The following SAMD3 variants were observed in gnomAD, a reference collection of about 807,000 sequenced individuals.
SAMD3 encodes the protein sterile alpha motif domain-containing protein 3.
A neutral mutation model predicts 58.5 loss-of-function variants in SAMD3; 63 were observed. That is an observed-to-expected ratio of 1.08 (90% CI 0.88 to 1.33). The LOEUF is 1.33. Ranked by LOEUF, SAMD3 falls within the 40% of genes most tolerant of loss-of-function variation. SAMD3 has a pLI of 0.00. For missense variants in SAMD3, 604 were observed against 608.4 expected, an observed-to-expected ratio of 0.99 and a Z score of 0.08; for synonymous variants, 220 against 210.3, an observed-to-expected ratio of 1.05 and a Z score of -0.40.
At chr6:130,181,205 C>T (rs1045513991) in intron 7 of SAMD3, among the ~76,000 whole-genome samples, 1 of 152,072 alleles carries the variant, frequency 6.6e-6, no homozygotes, top group Non-Finnish European at 1.5e-5. Context: ...CCTTGGCCTC[C>T]CAAAGTGCTG....
chr6:130,185,725 G>A (rs1792896519), intron 5 of SAMD3, among the ~76,000 whole-genome samples: 1 of 150,658 alleles, frequency 6.6e-6, no homozygotes, highest in African/African-American at 2.4e-5. Context: ...TGACCTCCTG[G>A]TCTCAAGCAA....
intron 1 of SAMD3, among the ~76,000 whole-genome samples, chr6:130,334,461 G>C (rs1436278898): frequency 6.6e-6 from 1 of 152,152 alleles, no homozygotes; most frequent in Non-Finnish European, 1.5e-5. Context: ...TTACAGATGA[G>C]GCAATTGAGT....
In SAMD3 at chr6:130,319,382, A is replaced by C. The variant is rs1468300779; in HGVS notation, c.-303-6289T>G. 3.3e-5 allele frequency among the ~76,000 whole-genome samples: 5 copies of C among 152,296 alleles called. No individual in the cohort carries two copies. The East Asian group carries it at 9.6e-4, about 29-fold the overall frequency. On this transcript the variant is annotated intron_variant, in intron 1 of 13. Transcript: ENST00000368134. ...CTTAAAACCAGTTAAAAAAAGAAAA[A>C]TTTAAAAGCCCGAAGCGAAAGACAC...
At chr6:130,255,305 T>A (rs1053445580) in intron 2 of SAMD3, among the ~76,000 whole-genome samples, 1 of 152,214 alleles carries the variant, frequency 6.6e-6, no homozygotes, top group South Asian at 2.1e-4. Context: ...CAACATCAGT[T>A]AGGTCCATTT....
chr6:130,248,569 T>G (rs73607933), intron 2 of SAMD3, among the ~76,000 whole-genome samples: 2,947 of 152,244 alleles, frequency 0.019, 93 homozygotes, highest in African/African-American at 0.067. Context: ...GCCAGTCTAC[T>G]CACTACACTT....
At chr6:130,344,423 C>T (rs1271409107) in intron 1 of SAMD3, among the ~76,000 whole-genome samples, 3 of 152,084 alleles carry the variant, frequency 2.0e-5, no homozygotes, top group African/African-American at 7.2e-5. Flanking sequence ...GCTCTGTCGC[C>T]CAGGCTGGAG....
chr6:130,211,275 AATTTTTTTT>A (rs1562452886), intron 4 of SAMD3, among the ~76,000 whole-genome samples: 1 of 134,314 alleles, frequency 7.4e-6, no homozygotes, highest in Non-Finnish European at 1.6e-5. Context: ...TGCCAATCAG[AATTTTTTTT>A]TTTTTTTTTT....
At chr6:130,149,692 T>C (rs1788960554) in intron 9 of SAMD3, among the ~76,000 whole-genome samples, 1 of 152,128 alleles carries the variant, frequency 6.6e-6, no homozygotes, top group African/African-American at 2.4e-5. Context: ...AAGGGAACAA[T>C]AGACCCCGGA....
intron 1 of SAMD3, among the ~76,000 whole-genome samples, chr6:130,321,244 C>T (rs373660895): frequency 4.1e-4 from 62 of 152,268 alleles, no homozygotes; most frequent in African/African-American, 1.3e-3. Context: ...AATTGCCTTA[C>T]GGACAGACCT....
intron 9 of SAMD3, among the ~76,000 whole-genome samples, chr6:130,148,482 T>C (rs1202264436): frequency 6.6e-6 from 1 of 152,198 alleles, no homozygotes; most frequent in East Asian, 1.9e-4. Flanking sequence ...TCGTCTTGGT[T>C]TGTTGTTGTT....
Position 130,155,295 on chromosome 6 carries a change from A to T in SAMD3, c.823-270T>A, listed in dbSNP as rs564473844. The stretch of plus-strand genomic sequence containing the variant: ...TTATCCTTTTATATAGAGACAGATT[A>T]TCCAGAAGGTTCCCACTGAATCAAA... On this transcript the variant is annotated intron_variant, in intron 8 of 11. Coordinates refer to ENST00000439090, the MANE Select transcript of SAMD3 (RefSeq NM_001017373.4). Among the ~76,000 whole-genome samples, 70 of 152,364 alleles carry T rather than the reference A, an allele frequency of 4.6e-4. No individual in the cohort carries two copies. The Middle Eastern group carries it at 0.01, about 22-fold the overall frequency.
chr6:130,310,102 G>A (rs1776093572), intron 2 of SAMD3, among the ~76,000 whole-genome samples: 1 of 152,086 alleles, frequency 6.6e-6, no homozygotes, highest in African/African-American at 2.4e-5. Context: ...GTACACTCAT[G>A]GTTTCTCTAT....
chr6:130,314,347 A>C (rs1776287205), intron 1 of SAMD3, among the ~76,000 whole-genome samples: 1 of 152,214 alleles, frequency 6.6e-6, no homozygotes, highest in Admixed American at 6.5e-5. Flanking sequence ...AGACACCTTT[A>C]AGCAAGACAG....
At chr6:130,283,238 T>C (rs1775045750) in intron 2 of SAMD3, among the ~76,000 whole-genome samples, 1 of 151,954 alleles carries the variant, frequency 6.6e-6, no homozygotes, top group African/African-American at 2.4e-5. Context: ...AGAAAACAGG[T>C]AGGAGAAATT....
chr6:130,180,821 C>T (rs1453225754), intron 7 of SAMD3, among the ~76,000 whole-genome samples: 1 of 152,152 alleles, frequency 6.6e-6, no homozygotes, highest in East Asian at 1.9e-4. Context: ...AAGAATTATC[C>T]AGCCCCAAAG....
chr6:130,143,924 C>G (rs1247243038), downstream of SAMD3: 1 of 152,480 alleles, frequency 6.6e-6, no homozygotes, highest in Non-Finnish European at 1.5e-5. Flanking sequence ...CAGATGAACA[C>G]AGGTCACAGA....
intron 2 of SAMD3, among the ~76,000 whole-genome samples, chr6:130,287,851 A>G (rs1231769326): frequency 6.6e-6 from 1 of 151,902 alleles, no homozygotes; most frequent in Admixed American, 6.6e-5. Flanking sequence ...AGGTTGAGGC[A>G]GGAGAATCGC....
At chr6:130,311,559 A>G (rs984181020) in intron 2 of SAMD3, among the ~76,000 whole-genome samples, 1 of 152,218 alleles carries the variant, frequency 6.6e-6, no homozygotes, top group Admixed American at 6.5e-5. Flanking sequence ...AGTGTTGAAA[A>G]AAAATTTGTG....
intron 1 of SAMD3, among the ~76,000 whole-genome samples, chr6:130,330,470 T>C (rs1180479931): frequency 6.6e-6 from 1 of 152,224 alleles, no homozygotes; most frequent in African/African-American, 2.4e-5. Flanking sequence ...CATGTAGCTA[T>C]GTTTTTGGAA....
Sources: allele counts gnomAD v4.1 joint callset (sites outside exome capture counted in the v4.1 genomes callset), GRCh38; gene constraint gnomAD v4.1.1; transcripts MANE v1.5; gene names NCBI Gene and HGNC (gene_info 2026-07-23, HGNC 2026-07-21).